The following DISP3 variants were observed in gnomAD, a reference collection of about 807,000 sequenced individuals.
DISP3 encodes the protein dispatched RND transporter family member 3.
Under a neutral mutation model 135.3 loss-of-function variants are expected in DISP3, and 101 were observed. The observed-to-expected ratio is 0.75, with a 90% CI of 0.64 to 0.88. The LOEUF (loss-of-function observed/expected upper bound fraction) is 0.88. DISP3 is among the 40% of genes least tolerant of loss of function. The probability of loss-of-function intolerance (pLI) is 0.00; values close to 1 mark genes in which losing one functional copy is unlikely to be tolerated. For missense variants in DISP3, 1,713 were observed against 1,878.6 expected (o/e 0.91, Z 1.63); for synonymous variants, 856 against 817.0 (o/e 1.05, Z -0.81).
intron 3 of DISP3, among the ~76,000 whole-genome samples, chr1:11,508,354 G>T (rs982482847): frequency 6.6e-6 from 1 of 152,044 alleles, no homozygotes; most frequent in Non-Finnish European, 1.5e-5. Flanking sequence ...GGAGTTCAAG[G>T]CTGCAGTGAA....
In DISP3 at chr1:11,531,885, G is replaced by A. The variant is rs74055727; in HGVS notation, c.3375+175G>A. On this transcript the variant is annotated intron_variant, in intron 17 of 20. Coordinates refer to ENST00000294484, the MANE Select transcript of DISP3 (RefSeq NM_020780.2). The surrounding 1 kb of genome is among the most constrained non-coding windows in gnomAD (Gnocchi z 5.2). ...TCAGTGTCGAGTGTGAAACCAGACC[G>A]CCTAACTGCAGAGCTCTGCCCTTTC... Among the ~76,000 whole-genome samples the A allele has an allele frequency of 8.1e-3, 1,234 of 152,316 alleles. 16 individuals carry two copies. Among genetic ancestry groups the A allele is most frequent in the African/African-American group, 0.029 (1,191 of 41,554 alleles).
rs1641188140 is a variant in DISP3, at chr1:11,491,727, A to G, written c.-3-9263A>G. On this transcript the variant is annotated intron_variant, in intron 1 of 20. Transcript: ENST00000294484. The surrounding 1 kb of genome is among the most constrained non-coding windows in gnomAD (Gnocchi z 4.3). ...TATGCCTAGTGACTCCGATTCACGT[A>G]AAAGTCCAAGGATCTTTGGGGCAGA... Among the ~76,000 whole-genome samples the G allele has an allele frequency of 6.6e-6, 1 of 152,200 alleles. No individual in the cohort carries two copies. The highest frequency in any genetic ancestry group is 1.5e-5 in the Non-Finnish European group (1 of 68,032).
In DISP3 at chr1:11,529,870, G is replaced by A. The variant is rs2100510340; in HGVS notation, c.3013G>A (p.Val1005Met). The change falls in exon 15 of 21, where the codon GTG becomes ATG. Residue 1005 changes from valine (V) to methionine (M), a missense_variant. Physicochemically the swap from Val to Met is conservative, Grantham distance 21. Transcript: ENST00000294484. The surrounding 1 kb of genome is among the most constrained non-coding windows in gnomAD (Gnocchi z 4.7). ...CGGGAAGCCGGCGGTGCGGCCACTA[G>A]TGGATACCGGGGCCATGGTCTTTGT... ...GCGKPAVRPL[V>M]DTGAMVFVVF... 6.2e-7 allele frequency: 1 copy of A among 1,614,070 alleles called. No homozygotes were observed. Among genetic ancestry groups the A allele is most frequent in the South Asian group, 1.1e-5 (1 of 91,084 alleles).
Position 11,531,178 on chromosome 1 carries a change from G to A in DISP3, c.3229+145G>A. On this transcript the variant is annotated intron_variant, in intron 16 of 20. Transcript: ENST00000294484. This position sits in a 1 kb window ranked among gnomAD's most constrained non-coding sequence, Gnocchi z 5.2. ...GCAGATGTGTATCTGTGCTGAGCAT[G>A]TCCACACCAGGGTGGGGTGTGTGCC... is the stretch of plus-strand genomic sequence containing the variant. 3 of 1,342,310 alleles carry A rather than the reference G, an allele frequency of 2.2e-6. No individual in the cohort carries two copies. The highest frequency in any genetic ancestry group is 3.0e-6 in the Non-Finnish European group (3 of 988,598). 83.1% of individuals were successfully genotyped at this position (1,342,310 alleles called of 1,614,324 possible). A position where few individuals can be genotyped will look rare whatever the true frequency, so the allele number is the denominator to read the frequency against.
At position 11,534,252 on chromosome 1, in the gene DISP3, T is replaced by C. The variant is rs951505133; in HGVS notation, c.3376-129T>C. The C allele has an allele frequency of 3.5e-6, 4 of 1,140,828 alleles. No individual in the cohort carries two copies. In the African/African-American group the frequency reaches 6.1e-5, roughly 17 times the overall value. 70.7% of individuals were successfully genotyped at this position (1,140,828 alleles called of 1,614,324 possible). On this transcript the variant is annotated intron_variant, in intron 17 of 20. Transcript: ENST00000294484. ...TGGTGGGGACTCATTTTGGATTGAA[T>C]CGTTGTTCACACCCTCCCCAACACA...
chr1:11,503,045 C>T lies in DISP3; in HGVS notation c.1316+148C>T, dbSNP rs995936324. 3.1e-5 allele frequency: 22 copies of T among 719,490 alleles called. 1 individual carries two copies. The highest frequency in any genetic ancestry group is 3.9e-4 in the Middle Eastern group (1 of 2,532). 44.6% of individuals were successfully genotyped at this position (719,490 alleles called of 1,614,324 possible). On this transcript the variant is annotated intron_variant, in intron 3 of 20. Transcript: ENST00000294484. ...TGGGGCAGAACCAAGTACATCCTTGCAGTCTCTCTGACAAATGGAAGTACG... is the reference window on the plus strand; with the variant it reads ...TGGGGCAGAACCAAGTACATCCTTGTAGTCTCTCTGACAAATGGAAGTACG...
intron 1 of DISP3, among the ~76,000 whole-genome samples, chr1:11,494,364 T>C (rs1315446520): frequency 6.6e-6 from 1 of 152,198 alleles, no homozygotes; most frequent in African/African-American, 2.4e-5. Context: ...GGCTTTTGAC[T>C]GCACTCCATG....
chr1:11,505,904 G>A (rs1641684897), intron 3 of DISP3, among the ~76,000 whole-genome samples: 1 of 152,096 alleles, frequency 6.6e-6, no homozygotes, highest in Non-Finnish European at 1.5e-5. Context: ...TTTTCCTTGT[G>A]TCTAAAGAAT....
rs1159948454 is a variant in DISP3 at position 11,491,316 on chromosome 1, G to A, written c.-3-9674G>A. 6.6e-6 allele frequency among the ~76,000 whole-genome samples: 1 copy of A among 152,204 alleles called. No homozygotes were observed. Among genetic ancestry groups the A allele is most frequent in the East Asian group, 1.9e-4 (1 of 5,196 alleles). The stretch of plus-strand genomic sequence containing the variant: ...CACCTGGGGAGGTGGTTTAAATACA[G>A]ATTCCAGGTTGGGCATGGTGGCTGA... On this transcript the variant is annotated intron_variant, in intron 1 of 20. Coordinates refer to ENST00000294484, the MANE Select transcript of DISP3 (RefSeq NM_020780.2). The surrounding 1 kb of genome is among the most constrained non-coding windows in gnomAD (Gnocchi z 4.3).
At chr1:11,487,963 G>T (rs1641084235) in intron 1 of DISP3, among the ~76,000 whole-genome samples, 1 of 152,166 alleles carries the variant, frequency 6.6e-6, no homozygotes, top group South Asian at 2.1e-4. Context: ...CTCTATCATG[G>T]AATAGACGGA....
At chr1:11,502,400 G>C (rs1209277960) in intron 2 of DISP3, among the ~76,000 whole-genome samples, 1 of 152,208 alleles carries the variant, frequency 6.6e-6, no homozygotes, top group Non-Finnish European at 1.5e-5. Context: ...CCAGGATGTG[G>C]TTATACAGAA....
At chr1:11,524,288 T>A in intron 11 of DISP3, among the ~76,000 whole-genome samples, 1 of 151,958 alleles carries the variant, frequency 6.6e-6, no homozygotes, top group East Asian at 1.9e-4. Flanking sequence ...AGAGCCTCCC[T>A]GTGCACCAAA....
chr1:11,481,677 C>T (rs897702314), intron 1 of DISP3: 2 of 152,242 alleles, frequency 1.3e-5, no homozygotes, highest in Non-Finnish European at 2.9e-5. Flanking sequence ...TGTTAAAGGA[C>T]TGCCTGAGGT....
Position 11,531,129 on chromosome 1 carries a change from GTGTC to G in DISP3, c.3229+99_3229+102del, listed in dbSNP as rs1338340282. 1.3e-6 allele frequency: 2 copies of G among 1,551,992 alleles called. No homozygotes were observed. The highest frequency in any genetic ancestry group is 1.7e-6 in the Non-Finnish European group (2 of 1,147,710). On this transcript the variant is annotated intron_variant, in intron 16 of 20. Coordinates refer to ENST00000294484, the MANE Select transcript of DISP3 (RefSeq NM_020780.2). The surrounding 1 kb of genome is among the most constrained non-coding windows in gnomAD (Gnocchi z 5.2). ...TCCAAGGTAGACAGCCCGAAGGACA[GTGTC>G]TGGCATGTGGGGGTCTTTTGCAGAT...
intron 1 of DISP3, 68 bp from the exon 2 acceptor site, chr1:11,500,922 G>A: frequency 6.5e-7 from 1 of 1,549,840 alleles, no homozygotes; most frequent in African/African-American, 1.4e-5. Context: ...AGGGCTGGGC[G>A]AACTGCACCA....
chr1:11,514,501 G>C lies in DISP3; in HGVS notation c.1428G>C (p.Leu476=), dbSNP rs1304709229. Residue 476 remains leucine (L), a synonymous_variant, in exon 4 of 21, where the codon CTG becomes CTC. Coordinates refer to ENST00000294484, the MANE Select transcript of DISP3 (RefSeq NM_020780.2). ...AFISSSCIAA[L]VYILTSCSVF... is the part of the protein sequence containing the mutation. ...TCAGCAGCAGCTGCATTGCTGCCCT[G>C]GTCTACATCCTCACCTCCTGCTCAG... 1 of 1,614,104 alleles carries C rather than the reference G, an allele frequency of 6.2e-7. No individual in the cohort carries two copies. The highest frequency in any genetic ancestry group is 1.7e-5 in the Admixed American group (1 of 60,028).
intron 10 of DISP3, among the ~76,000 whole-genome samples, chr1:11,523,645 CAG>C (rs1642315180): frequency 7.2e-6 from 1 of 138,640 alleles, no homozygotes; most frequent in South Asian, 2.4e-4. Context: ...CAGAGTGGCA[CAG>C]AGACAGCAAG....
chr1:11,533,253 CTTTTTT>C (rs70983563), intron 17 of DISP3, among the ~76,000 whole-genome samples: 6 of 103,986 alleles, frequency 5.8e-5, no homozygotes, highest in Admixed American at 9.4e-5. Context: ...GTGACTGTTT[CTTTTTT>C]TTTTTTTTTT....
At chr1:11,521,172 C>T (rs368513601) in intron 10 of DISP3, among the ~76,000 whole-genome samples, 3 of 151,724 alleles carry the variant, frequency 2.0e-5, no homozygotes, top group African/African-American at 7.3e-5. Flanking sequence ...TAGAGGCCCA[C>T]GTCATGGAAG....
Sources: gnomAD v4.1 joint callset for allele counts (sites outside exome capture counted in the v4.1 genomes callset) on GRCh38, gnomAD v4.1.1 for gene constraint, Gnocchi (gnomAD v3.1) non-coding constraint, MANE v1.5 for transcripts, NCBI Gene and HGNC (gene_info 2026-07-23, HGNC 2026-07-21) for gene names.